Variants in LRRFIP2 observed in about 807,000 individuals in gnomAD.
LRRFIP2 encodes leucine-rich repeat flightless-interacting protein 2.
In LRRFIP2, 109 loss-of-function variants were observed where a neutral mutation model predicts 125.9. The ratio of observed to expected loss-of-function variants is 0.87; its 90% CI spans 0.74 to 1.01. The LOEUF is 1.01. Among genes scored for constraint, LRRFIP2 ranks in the 50% least tolerant of loss-of-function variants. The pLI is 0.00. For synonymous variants in LRRFIP2, 291 were observed against 293.1 expected, an observed-to-expected ratio of 0.99 and a Z score of 0.07; for missense variants, 850 against 862.3, an observed-to-expected ratio of 0.99 and a Z score of 0.18.
At chr3:37,102,371 T>C (rs2094109070) in intron 15 of LRRFIP2, among the ~76,000 whole-genome samples, 1 of 152,128 alleles carries the variant, frequency 6.6e-6, no homozygotes, top group South Asian at 2.1e-4. Context: ...TTGTTGCAGA[T>C]GCTGATGGGT....
In LRRFIP2 at chr3:37,075,014, A is replaced by C. The variant is rs1444992707; in HGVS notation, c.1371+10T>G. 6.3e-7 allele frequency: 1 copy of C among 1,596,812 alleles called. No individual in the cohort carries two copies. Among genetic ancestry groups the C allele is most frequent in the Non-Finnish European group, 8.6e-7 (1 of 1,165,554 alleles). Reference sequence around the variant, plus strand: ...TCAAAATTAAGTATTCCCACAGTTCATGTACATACCTCAATAAGCTCATCT... The same window carrying C: ...TCAAAATTAAGTATTCCCACAGTTCCTGTACATACCTCAATAAGCTCATCT... On this transcript the variant is annotated intron_variant, in intron 20 of 27. Transcript: ENST00000336686.
chr3:37,120,798 A>T (rs977359108), intron 6 of LRRFIP2, among the ~76,000 whole-genome samples: 9 of 152,072 alleles, frequency 5.9e-5, no homozygotes, highest in African/African-American at 2.2e-4. Flanking sequence ...AAAAAATTTT[A>T]AATAAAATAA....
At chr3:37,077,186 A>G (rs1443493433) in intron 19 of LRRFIP2, among the ~76,000 whole-genome samples, 1 of 152,220 alleles carries the variant, frequency 6.6e-6, no homozygotes, top group Admixed American at 6.5e-5. Context: ...CTCACTCTTC[A>G]TCATAGATAC....
chr3:37,103,383 T>C (rs2094170195), intron 14 of LRRFIP2, among the ~76,000 whole-genome samples: 1 of 152,228 alleles, frequency 6.6e-6, no homozygotes, highest in Non-Finnish European at 1.5e-5. Flanking sequence ...TAATTCATTA[T>C]AGCTATCAAC....
At chr3:37,163,541 A>G (rs1177945677) in intron 1 of LRRFIP2, among the ~76,000 whole-genome samples, 1 of 152,208 alleles carries the variant, frequency 6.6e-6, no homozygotes, top group Non-Finnish European at 1.5e-5. Flanking sequence ...ACTAGCTGAA[A>G]GCAGCCTGAG....
chr3:37,138,681 C>A lies in LRRFIP2; in HGVS notation c.91-9532G>T, dbSNP rs556193295. On this transcript the variant is annotated intron_variant, in intron 2 of 27. Transcript: ENST00000336686. The stretch of plus-strand genomic sequence containing the variant: ...CATGTCTTCCACTCAGAAATCTAGT[C>A]TTTTCCATCATAATATACTTATCAC... Among the ~76,000 whole-genome samples the A allele has an allele frequency of 2.6e-5, 4 of 152,310 alleles. No individual in the cohort carries two copies. The South Asian group carries it at 8.3e-4, about 32-fold the overall frequency.
intron 4 of LRRFIP2, among the ~76,000 whole-genome samples, chr3:37,123,343 C>G (rs1441184749): frequency 1.3e-5 from 2 of 152,166 alleles, no homozygotes; most frequent in African/African-American, 2.4e-5. Flanking sequence ...AGGCACCCAC[C>G]ACCACACCCG....
chr3:37,093,323 T>C (rs1269142582), intron 17 of LRRFIP2: 1 of 152,638 alleles, frequency 6.6e-6, no homozygotes, highest in Non-Finnish European at 1.5e-5. Flanking sequence ...TCCATCTGAG[T>C]CCTGGACTCT....
At chr3:37,151,761 C>T (rs926429653) in intron 1 of LRRFIP2, among the ~76,000 whole-genome samples, 4 of 151,968 alleles carry the variant, frequency 2.6e-5, no homozygotes, top group African/African-American at 7.2e-5. Flanking sequence ...CCATGCCCAG[C>T]GAATTTATGT....
In LRRFIP2 at chr3:37,082,805, C is replaced by A. The variant is rs145227434; in HGVS notation, c.1278+831G>T. Among the ~76,000 whole-genome samples the A allele has an allele frequency of 1.4e-3, 219 of 152,286 alleles. 1 individual carries two copies. Among genetic ancestry groups the A allele is most frequent in the African/African-American group, 4.9e-3 (204 of 41,570 alleles). ...TCAAGGAAAGAAATTCCTATAAAGA[C>A]TACAGTAATAATGTTGGTCTCCTAC... is the stretch of plus-strand genomic sequence containing the variant. On this transcript the variant is annotated intron_variant, in intron 19 of 27. Transcript: ENST00000336686.
rs758915609 is a variant in LRRFIP2, at chr3:37,055,152, T to A, written c.1884A>T (p.Arg628Ser). 3.1e-6 allele frequency: 5 copies of A among 1,590,664 alleles called. No homozygotes were observed. Among genetic ancestry groups the A allele is most frequent in the Non-Finnish European group, 4.3e-6 (5 of 1,170,718 alleles). Reference protein sequence around the residue: ...QFIEMQRDANRQISEYKFKLS... With the variant: ...QFIEMQRDANSQISEYKFKLS... Reference sequence around the variant, plus strand: ...GCTTAAATTTGTATTCGCTAATTTGTCTATTGGCATCTCCTAGAACAGAAG... The same window carrying A: ...GCTTAAATTTGTATTCGCTAATTTGACTATTGGCATCTCCTAGAACAGAAG... The change falls in exon 26 of 28, where the codon AGA (arginine) becomes AGT (serine). Residue 628 changes from arginine to serine, a missense_variant. Arg to Ser is a moderately radical substitution (Grantham distance 110). Transcript: ENST00000336686.
chr3:37,071,687 T>G (rs2091208118), intron 21 of LRRFIP2, among the ~76,000 whole-genome samples: 1 of 152,126 alleles, frequency 6.6e-6, no homozygotes, highest in Admixed American at 6.5e-5. Flanking sequence ...TTCTCAGGGA[T>G]CTTTAACAAC....
chr3:37,114,990 T>A lies in LRRFIP2; in HGVS notation c.372+64A>T, dbSNP rs1323542780. 4.9e-6 allele frequency: 6 copies of A among 1,229,796 alleles called. No homozygotes were observed. The African/African-American group carries it at 8.9e-5, about 18-fold the overall frequency. The allele number at this position is 1,229,796 out of a possible 1,614,324, so 76.2% of individuals were successfully genotyped here. On this transcript the variant is annotated intron_variant, in intron 7 of 27. Coordinates refer to ENST00000336686, the MANE Select transcript of LRRFIP2 (RefSeq NM_006309.4). ...CATGAAAGTTAGTCATATTCTATAA[T>A]TAGCATCAACAGATGTTTATAAAGT...
intron 24 of LRRFIP2, 72 bp downstream of exon 24, chr3:37,063,670 A>G: frequency 1.8e-6 from 2 of 1,101,552 alleles, no homozygotes; most frequent in South Asian, 1.3e-5. Flanking sequence ...TTTAATGAAC[A>G]TTTCAATTAG....
intron 21 of LRRFIP2, chr3:37,067,451 T>C (rs2090371254): frequency 6.6e-6 from 1 of 152,244 alleles, no homozygotes; most frequent in East Asian, 1.9e-4. Flanking sequence ...TTTGTTCATA[T>C]ATTTAATGTC....
At chr3:37,115,320 T>C (rs2094730736) in intron 6 of LRRFIP2, among the ~76,000 whole-genome samples, 1 of 152,240 alleles carries the variant, frequency 6.6e-6, no homozygotes, top group African/African-American at 2.4e-5. Context: ...TGTATGTTTA[T>C]TTTTCTTTTA....
chr3:37,151,777 T>C (rs1379897946), intron 1 of LRRFIP2, among the ~76,000 whole-genome samples: 1 of 152,114 alleles, frequency 6.6e-6, no homozygotes, highest in African/African-American at 2.4e-5. Flanking sequence ...TATGTATTTT[T>C]AGTAGAAACG....
intron 1 of LRRFIP2, among the ~76,000 whole-genome samples, chr3:37,159,840 A>G (rs2150206561): frequency 1.3e-5 from 2 of 151,406 alleles, no homozygotes; most frequent in Admixed American, 6.6e-5. Flanking sequence ...AAAAAAAAAA[A>G]AAGGAAAGAA....
chr3:37,093,539 G>C (rs1472143967), intron 17 of LRRFIP2, among the ~76,000 whole-genome samples: 1 of 152,138 alleles, frequency 6.6e-6, no homozygotes, highest in East Asian at 1.9e-4. Flanking sequence ...TCCAGAGCAA[G>C]TTTCTCATAT....
Sources: gnomAD v4.1 joint callset for allele counts (sites outside exome capture counted in the v4.1 genomes callset) on GRCh38, gnomAD v4.1.1 for gene constraint, MANE v1.5 for transcripts, NCBI Gene and HGNC (gene_info 2026-07-23, HGNC 2026-07-21) for gene names.